The following DNAJB6 variants were observed in gnomAD, a reference collection of about 807,000 sequenced individuals.
DNAJB6 encodes dnaJ homolog subfamily B member 6.
A neutral mutation model predicts 42.7 loss-of-function variants in DNAJB6; 16 were observed. The ratio of observed to expected loss-of-function variants is 0.37; its 90% CI spans 0.25 to 0.57. DNAJB6 has a LOEUF of 0.57. DNAJB6 is among the 20% of genes least tolerant of loss of function. The pLI, the probability that DNAJB6 is intolerant of heterozygous loss-of-function variation, is 0.74. For synonymous variants in DNAJB6, 170 were observed against 163.5 expected, an observed-to-expected ratio of 1.04 and a Z score of -0.30; for missense variants, 347 against 416.8, an observed-to-expected ratio of 0.83 and a Z score of 1.46.
chr7:157,366,056 T>TA (rs1274091798), intron 3 of DNAJB6, among the ~76,000 whole-genome samples: 21 of 152,240 alleles, frequency 1.4e-4, no homozygotes, highest in African/African-American at 5.1e-4. Flanking sequence ...GTTCCAGCTA[T>TA]TCTCTTGCCT....
intron 8 of DNAJB6, among the ~76,000 whole-genome samples, chr7:157,406,915 C>T (rs1473469567): frequency 3.3e-5 from 5 of 152,214 alleles, no homozygotes; most frequent in Non-Finnish European, 7.3e-5. Context: ...TCTCTTCCTC[C>T]GTGGTGGGAG....
At chr7:157,367,247 C>G (rs1304273413) in intron 4 of DNAJB6, 126 bp from the exon 5 acceptor site, 1 of 661,848 alleles carries the variant, frequency 1.5e-6, no homozygotes, top group Admixed American at 2.5e-5. Flanking sequence ...TTATAGAGAA[C>G]TTCAGGTTTA....
At chr7:157,382,401 T>G in intron 6 of DNAJB6, 24 bp downstream of exon 6, 1 of 1,590,892 alleles carries the variant, frequency 6.3e-7, no homozygotes, top group East Asian at 2.2e-5. Context: ...AGGTTTAATC[T>G]CTGTTATCTT....
At chr7:157,353,522 A>G (rs936820985) in intron 1 of DNAJB6, among the ~76,000 whole-genome samples, 1 of 150,336 alleles carries the variant, frequency 6.7e-6, no homozygotes, top group Admixed American at 6.6e-5. Context: ...AGGAACCCAG[A>G]TTGTATTTAG....
At chr7:157,370,166 A>AACATTATTATTAAAGAGGCCCTTTCTTC (rs1800118337) in intron 5 of DNAJB6, among the ~76,000 whole-genome samples, 2 of 143,908 alleles carry the variant, frequency 1.4e-5, no homozygotes, top group African/African-American at 5.2e-5. Context: ...GCCCCTTCTT[A>AACATTATTATTAAAGAGGCCCTTTCTTC]ACATTATTAT....
chr7:157,391,409 CTT>C (rs1801335287), intron 8 of DNAJB6, among the ~76,000 whole-genome samples: 1 of 152,264 alleles, frequency 6.6e-6, no homozygotes, highest in African/African-American at 2.4e-5. Flanking sequence ...TTCCACGAGT[CTT>C]TTCAGCCGTA....
chr7:157,353,078 A>ATTT (rs551030018), intron 1 of DNAJB6, among the ~76,000 whole-genome samples: 6 of 148,840 alleles, frequency 4.0e-5, no homozygotes, highest in African/African-American at 1.5e-4. Flanking sequence ...GCCCTATCAA[A>ATTT]TTTTTTTTTT....
rs962629090 is a variant in DNAJB6 at position 157,383,207 on chromosome 7, C to T, written c.478+830C>T. 9.2e-5 allele frequency among the ~76,000 whole-genome samples: 14 copies of T among 152,158 alleles called. 3 individuals carry two copies. Among genetic ancestry groups the T allele is most frequent in the Admixed American group, 6.5e-4 (10 of 15,284 alleles). Reference sequence around the variant, plus strand: ...TTTTTAATGGAGACAGGGTTTTTGTCGTGTTGGCCAGGCTGGTGTTGAACT... The same window carrying T: ...TTTTTAATGGAGACAGGGTTTTTGTTGTGTTGGCCAGGCTGGTGTTGAACT... On this transcript the variant is annotated intron_variant, in intron 6 of 9. Coordinates refer to ENST00000262177, the MANE Select transcript of DNAJB6 (RefSeq NM_058246.4).
At chr7:157,356,039 T>G (rs939814983) in intron 1 of DNAJB6, among the ~76,000 whole-genome samples, 1 of 152,232 alleles carries the variant, frequency 6.6e-6, no homozygotes, top group Non-Finnish European at 1.5e-5. Context: ...ATGAGCTGTT[T>G]GGACTTGCGA....
intron 8 of DNAJB6, among the ~76,000 whole-genome samples, chr7:157,404,420 C>T (rs6973920): frequency 0.4 from 58,811 of 148,062 alleles, 16,670 homozygotes; most frequent in African/African-American, 0.81. Context: ...GCCTCCAGAG[C>T]GGCTGGGACT....
chr7:157,349,325 G>C (rs1467422293), intron 1 of DNAJB6, among the ~76,000 whole-genome samples: 1 of 152,178 alleles, frequency 6.6e-6, no homozygotes, highest in Non-Finnish European at 1.5e-5. Context: ...ACATTAGGAA[G>C]GCTTTGATTG....
At chr7:157,376,039 G>A (rs1246152869) in intron 5 of DNAJB6, among the ~76,000 whole-genome samples, 1 of 152,186 alleles carries the variant, frequency 6.6e-6, no homozygotes, top group African/African-American at 2.4e-5. Flanking sequence ...AGTGTGCTGA[G>A]GAAGGGCGAG....
intron 1 of DNAJB6, among the ~76,000 whole-genome samples, chr7:157,352,411 A>G (rs1470729616): frequency 6.6e-6 from 1 of 151,792 alleles, no homozygotes; most frequent in Non-Finnish European, 1.5e-5. Flanking sequence ...TGAAGGCTTT[A>G]TTTAATCATG....
chr7:157,396,880 C>T (rs1240703295), intron 8 of DNAJB6, among the ~76,000 whole-genome samples: 1 of 152,104 alleles, frequency 6.6e-6, no homozygotes, highest in African/African-American at 2.4e-5. Context: ...CCACCGCCCG[C>T]CTCCTTTTCT....
chr7:157,349,808 C>T (rs892633320), intron 1 of DNAJB6, among the ~76,000 whole-genome samples: 1 of 152,090 alleles, frequency 6.6e-6, no homozygotes, highest in African/African-American at 2.4e-5. Flanking sequence ...CCACACCCAG[C>T]TGATTTTTGT....
chr7:157,411,734 G>T (rs1046095913), intron 9 of DNAJB6: 1 of 132,440 alleles, frequency 7.6e-6, no homozygotes, highest in African/African-American at 2.9e-5. Flanking sequence ...CTCCTGGAAC[G>T]GCACCCACCG....
intron 8 of DNAJB6, among the ~76,000 whole-genome samples, chr7:157,406,206 C>T (rs1288452338): frequency 1.3e-5 from 2 of 152,234 alleles, no homozygotes; most frequent in African/African-American, 4.8e-5. Context: ...GGCAGTGCAC[C>T]GTGCCCACGG....
chr7:157,414,600 T>A (rs35056241), intron 9 of DNAJB6: 64,032 of 151,930 alleles, frequency 0.42, 15,131 homozygotes, highest in Non-Finnish European at 0.53. Flanking sequence ...TTGGCGGTTC[T>A]GAACGCGCAT....
At chr7:157,343,941 G>T (rs1798550709) in intron 1 of DNAJB6, among the ~76,000 whole-genome samples, 1 of 152,102 alleles carries the variant, frequency 6.6e-6, no homozygotes, top group South Asian at 2.1e-4. Context: ...GTTTTCCTAA[G>T]AAATATTTTT....
Sources: gnomAD v4.1 joint callset for allele counts (sites outside exome capture counted in the v4.1 genomes callset) on GRCh38, gnomAD v4.1.1 for gene constraint, MANE v1.5 for transcripts, NCBI Gene and HGNC (gene_info 2026-07-23, HGNC 2026-07-21) for gene names.